Variants in CTNNA3 observed in about 807,000 individuals in gnomAD.
CTNNA3 encodes catenin alpha 3.
Under a neutral mutation model 95.7 loss-of-function variants are expected in CTNNA3, and 76 were observed. The observed-to-expected ratio is 0.79, with a 90% CI of 0.66 to 0.96. The LOEUF is 0.96. Among genes scored for constraint, CTNNA3 ranks in the 40% least tolerant of loss-of-function variants. The pLI is 0.00. For missense variants in CTNNA3, 1,191 were observed against 1,089.8 expected (o/e 1.09, Z -1.31); for synonymous variants, 431 against 374.4 (o/e 1.15, Z -1.74).
At chr10:67,283,045 C>T (rs1589124003) in intron 5 of CTNNA3, among the ~76,000 whole-genome samples, 1 of 152,174 alleles carries the variant, frequency 6.6e-6, no homozygotes, top group Non-Finnish European at 1.5e-5. Flanking sequence ...ATCCCACACC[C>T]AGAAGGAAGG....
intron 13 of CTNNA3, among the ~76,000 whole-genome samples, chr10:66,175,176 A>G (rs1188037496): frequency 6.6e-6 from 1 of 151,988 alleles, no homozygotes; most frequent in Non-Finnish European, 1.5e-5. Context: ...CAACACACAC[A>G]TGCACACACA....
chr10:67,655,782 CAAAAAA>C (rs11291979), intron 1 of CTNNA3, among the ~76,000 whole-genome samples: 1 of 95,254 alleles, frequency 1.0e-5, no homozygotes, highest in African/African-American at 3.6e-5. Context: ...GACTCCGTCT[CAAAAAA>C]AAAAAAAAAA....
At chr10:66,947,209 C>T (rs1350501680) in intron 7 of CTNNA3, among the ~76,000 whole-genome samples, 3 of 152,058 alleles carry the variant, frequency 2.0e-5, no homozygotes, top group Non-Finnish European at 4.4e-5. Flanking sequence ...CAAGGTATGG[C>T]CCCAGGACAG....
At chr10:66,983,968 T>C (rs1253711356) in intron 7 of CTNNA3, among the ~76,000 whole-genome samples, 2 of 152,216 alleles carry the variant, frequency 1.3e-5, no homozygotes, top group Non-Finnish European at 2.9e-5. Context: ...GATACTATTA[T>C]TATCTCAATT....
chr10:67,188,170 C>A (rs1862951461), intron 6 of CTNNA3, among the ~76,000 whole-genome samples: 1 of 152,172 alleles, frequency 6.6e-6, no homozygotes, highest in African/African-American at 2.4e-5. Flanking sequence ...AGACGTAAGT[C>A]TGGACAATTA....
intron 7 of CTNNA3, among the ~76,000 whole-genome samples, chr10:67,018,491 G>C (rs982182984): frequency 1.3e-5 from 2 of 152,192 alleles, no homozygotes; most frequent in African/African-American, 4.8e-5. Context: ...TAGTACAACT[G>C]TTATAAACAT....
chr10:67,397,997 G>A (rs1844777347), intron 5 of CTNNA3, among the ~76,000 whole-genome samples: 1 of 152,234 alleles, frequency 6.6e-6, no homozygotes, highest in African/African-American at 2.4e-5. Context: ...TTGTTGCAGA[G>A]GCAGAGCCCT....
intron 7 of CTNNA3, among the ~76,000 whole-genome samples, chr10:67,142,916 G>A (rs1200715130): frequency 6.6e-6 from 1 of 152,040 alleles, no homozygotes; most frequent in Non-Finnish European, 1.5e-5. Context: ...TGGAGACAGA[G>A]CAAGACTCTG....
chr10:66,781,450 A>C (rs762288842), intron 7 of CTNNA3, among the ~76,000 whole-genome samples: 1 of 152,174 alleles, frequency 6.6e-6, no homozygotes, highest in Non-Finnish European at 1.5e-5. Flanking sequence ...GACAAGTATA[A>C]GAAAGAAAAA....
chr10:67,551,421 C>G (rs983373867), intron 3 of CTNNA3, among the ~76,000 whole-genome samples: 3 of 152,102 alleles, frequency 2.0e-5, no homozygotes, highest in Non-Finnish European at 4.4e-5. Context: ...GCTACTTCCA[C>G]TCAATAAAAG....
At chr10:66,419,138 A>G (rs2093170522) in intron 11 of CTNNA3, among the ~76,000 whole-genome samples, 1 of 152,130 alleles carries the variant, frequency 6.6e-6, no homozygotes, top group Non-Finnish European at 1.5e-5. Context: ...AGACTCCACC[A>G]AAAAACCCTT....
intron 7 of CTNNA3, among the ~76,000 whole-genome samples, chr10:66,830,195 T>C (rs998252869): frequency 1.3e-5 from 2 of 152,182 alleles, no homozygotes; most frequent in Non-Finnish European, 2.9e-5. Context: ...GTATGCAAGA[T>C]AGAAAAACAG....
chr10:67,430,806 G>A (rs1318999027), intron 5 of CTNNA3, among the ~76,000 whole-genome samples: 1 of 104,626 alleles, frequency 9.6e-6, no homozygotes, highest in Non-Finnish European at 2.1e-5. Flanking sequence ...GAATGAGCAT[G>A]ACTCAAACAT....
At chr10:67,052,149 G>C (rs545275045) in intron 7 of CTNNA3, among the ~76,000 whole-genome samples, 1 of 152,226 alleles carries the variant, frequency 6.6e-6, no homozygotes, top group Admixed American at 6.5e-5. Flanking sequence ...TACAAGCATT[G>C]AGTTTTCTTT....
At chr10:66,478,688 G>T (rs879309905) in intron 11 of CTNNA3, among the ~76,000 whole-genome samples, 8 of 151,484 alleles carry the variant, frequency 5.3e-5, no homozygotes, top group Non-Finnish European at 1.0e-4. Context: ...TAGTAATTTT[G>T]CAAATATAAT....
intron 7 of CTNNA3, among the ~76,000 whole-genome samples, chr10:66,863,207 ACACG>A (rs939509822): frequency 7.8e-4 from 111 of 141,778 alleles, no homozygotes; most frequent in Non-Finnish European, 1.4e-3. Context: ...ACACACACAC[ACACG>A]CACACACATA....
chr10:67,503,061 C>T (rs1008780736), intron 5 of CTNNA3, among the ~76,000 whole-genome samples: 1 of 152,200 alleles, frequency 6.6e-6, no homozygotes, highest in African/African-American at 2.4e-5. Context: ...CAAACGGCCT[C>T]CCAGTTTTGT....
chr10:66,242,115 C>T (rs2090137408), intron 13 of CTNNA3, among the ~76,000 whole-genome samples: 1 of 152,108 alleles, frequency 6.6e-6, no homozygotes, highest in South Asian at 2.1e-4. Context: ...TTCCCTGTGC[C>T]ACTTCAGAAC....
intron 11 of CTNNA3, among the ~76,000 whole-genome samples, chr10:66,515,785 C>T (rs556588331): frequency 5.3e-4 from 80 of 152,102 alleles, no homozygotes; most frequent in Admixed American, 1.4e-3. Flanking sequence ...GAATTAACCT[C>T]ACTATCACAA....
Sources: gnomAD v4.1 joint callset for allele counts (sites outside exome capture counted in the v4.1 genomes callset) on GRCh38, gnomAD v4.1.1 for gene constraint, MANE v1.5 for transcripts, NCBI Gene and HGNC (gene_info 2026-07-23, HGNC 2026-07-21) for gene names.